Variants in LDB2 observed in about 807,000 individuals in gnomAD.
LDB2 encodes LIM domain binding 2.
LDB2 carries 12 observed loss-of-function variants against 44.3 expected under a neutral mutation model. The observed-to-expected ratio is 0.27, with a 90% CI of 0.17 to 0.44. LDB2 has a LOEUF of 0.44. Among genes scored for constraint, LDB2 ranks in the 20% least tolerant of loss-of-function variants. The probability of loss-of-function intolerance (pLI) is 1.00; values close to 1 mark genes in which losing one functional copy is unlikely to be tolerated. For missense variants in LDB2, 344 were observed against 473.5 expected, an observed-to-expected ratio of 0.73 and a Z score of 2.54; for synonymous variants, 164 against 174.8, an observed-to-expected ratio of 0.94 and a Z score of 0.49.
chr4:16,841,923 T>A (rs528481983), intron 1 of LDB2, among the ~76,000 whole-genome samples: 65 of 152,222 alleles, frequency 4.3e-4, no homozygotes, highest in African/African-American at 1.6e-3. Context: ...CACCGTAAAC[T>A]CTTAGAACAC....
intron 2 of LDB2, among the ~76,000 whole-genome samples, chr4:16,746,598 C>T (rs1194585145): frequency 2.0e-5 from 3 of 152,098 alleles, no homozygotes; most frequent in Admixed American, 2.0e-4. Context: ...ATCAGCCTGG[C>T]CAACATGGTG....
At chr4:16,580,492 T>C (rs1227354931) in intron 5 of LDB2, among the ~76,000 whole-genome samples, 2 of 152,204 alleles carry the variant, frequency 1.3e-5, no homozygotes, top group Non-Finnish European at 2.9e-5. Flanking sequence ...CTTGTAACAG[T>C]ATCTTAAATT....
At chr4:16,802,787 C>A (rs1011839595) in intron 1 of LDB2, among the ~76,000 whole-genome samples, 10 of 152,140 alleles carry the variant, frequency 6.6e-5, no homozygotes, top group Admixed American at 6.5e-4. Context: ...GCTTGGGACA[C>A]CAACTGTGGA....
chr4:16,862,407 G>A (rs1330624911), intron 1 of LDB2, among the ~76,000 whole-genome samples: 1 of 151,980 alleles, frequency 6.6e-6, no homozygotes, highest in Non-Finnish European at 1.5e-5. Flanking sequence ...GCCAAGGCAG[G>A]TGGATCACCT....
chr4:16,522,627 CTATG>C (rs1431535167), intron 5 of LDB2, among the ~76,000 whole-genome samples: 1 of 152,086 alleles, frequency 6.6e-6, no homozygotes, highest in Non-Finnish European at 1.5e-5. Flanking sequence ...AGGAACAACT[CTATG>C]TATCTCTGTA....
At chr4:16,654,985 A>AT (rs1166717409) in intron 2 of LDB2, among the ~76,000 whole-genome samples, 1 of 152,218 alleles carries the variant, frequency 6.6e-6, no homozygotes, top group Non-Finnish European at 1.5e-5. Context: ...AAGCAGAAAA[A>AT]AAAAATTATC....
chr4:16,541,517 G>C (rs921154363), intron 5 of LDB2, among the ~76,000 whole-genome samples: 4 of 152,174 alleles, frequency 2.6e-5, no homozygotes, highest in Non-Finnish European at 2.9e-5. Context: ...TAATAGCGAT[G>C]CAAGAATGGC....
chr4:16,552,241 A>C (rs1302769458), intron 5 of LDB2, among the ~76,000 whole-genome samples: 1 of 152,222 alleles, frequency 6.6e-6, no homozygotes, highest in African/African-American at 2.4e-5. Flanking sequence ...ATATCAATGA[A>C]TTAATGAATA....
chr4:16,844,726 G>A (rs1027984210), intron 1 of LDB2, among the ~76,000 whole-genome samples: 4 of 151,914 alleles, frequency 2.6e-5, no homozygotes, highest in African/African-American at 4.8e-5. Flanking sequence ...CATTGGTTTC[G>A]AGTGCTACTT....
At chr4:16,677,305 A>C (rs1455190061) in intron 2 of LDB2, among the ~76,000 whole-genome samples, 1 of 152,212 alleles carries the variant, frequency 6.6e-6, no homozygotes, top group Non-Finnish European at 1.5e-5. Context: ...TACCTAACAA[A>C]AGCAAAACAA....
intron 2 of LDB2, among the ~76,000 whole-genome samples, chr4:16,709,058 C>T (rs941672090): frequency 9.3e-5 from 14 of 150,802 alleles, no homozygotes; most frequent in African/African-American, 3.4e-4. Context: ...CAGCATCAGG[C>T]TTGGGTAGAA....
intron 3 of LDB2, among the ~76,000 whole-genome samples, chr4:16,589,678 G>A (rs1718225713): frequency 6.6e-6 from 1 of 151,982 alleles, no homozygotes; most frequent in Admixed American, 6.5e-5. Context: ...ATGCAATCAC[G>A]AACCGCTGAG....
Position 16,898,592 on chromosome 4 carries a change from C to T in LDB2, c.-107G>A. The T allele has an allele frequency of 2.0e-6, 2 of 1,013,140 alleles. No homozygotes were observed. The highest frequency in any genetic ancestry group is 4.9e-4 in the Middle Eastern group (2 of 4,086). 62.8% of individuals were successfully genotyped at this position (1,013,140 alleles called of 1,614,324 possible). ...CAAAGTAGACGCACGCACACACGCT[C>T]ACACACACACAGAGGCAGGCAGGCA... is the stretch of plus-strand genomic sequence containing the variant. On this transcript the variant is annotated 5_prime_UTR_variant, in exon 1 of 8. Transcript: ENST00000304523.
At chr4:16,671,614 C>A (rs527919732) in intron 2 of LDB2, among the ~76,000 whole-genome samples, 1 of 152,066 alleles carries the variant, frequency 6.6e-6, no homozygotes, top group Non-Finnish European at 1.5e-5. Context: ...GCCTCTGATG[C>A]CAACATTGAT....
At chr4:16,761,612 A>G (rs1352197775) in intron 1 of LDB2, among the ~76,000 whole-genome samples, 5 of 152,180 alleles carry the variant, frequency 3.3e-5, no homozygotes, top group Admixed American at 1.3e-4. Context: ...GGATAACAAT[A>G]ACAACAACAA....
At chr4:16,644,001 A>C (rs1735944590) in intron 2 of LDB2, among the ~76,000 whole-genome samples, 1 of 152,112 alleles carries the variant, frequency 6.6e-6, no homozygotes, top group Non-Finnish European at 1.5e-5. Flanking sequence ...CTGCTTCTTG[A>C]GTAATTGTTT....
intron 1 of LDB2, among the ~76,000 whole-genome samples, chr4:16,872,179 G>C (rs1716899843): frequency 6.6e-6 from 1 of 151,354 alleles, no homozygotes; most frequent in Non-Finnish European, 1.5e-5. Context: ...TTTATCCATA[G>C]AGCTCTCATT....
intron 5 of LDB2, among the ~76,000 whole-genome samples, chr4:16,553,400 A>G (rs1028507318): frequency 6.6e-6 from 1 of 151,658 alleles, no homozygotes; most frequent in African/African-American, 2.4e-5. Context: ...GGCCTCAAGC[A>G]CTCCTCCCAC....
chr4:16,553,143 A>G (rs1738250648), intron 5 of LDB2, among the ~76,000 whole-genome samples: 1 of 152,258 alleles, frequency 6.6e-6, no homozygotes, highest in East Asian at 1.9e-4. Flanking sequence ...AGTAACCTGG[A>G]AACAGGATTT....
Sources: allele counts gnomAD v4.1 joint callset (sites outside exome capture counted in the v4.1 genomes callset), GRCh38; gene constraint gnomAD v4.1.1; transcripts MANE v1.5; gene names NCBI Gene and HGNC (gene_info 2026-07-23, HGNC 2026-07-21).